The following BBS9 variants were observed in gnomAD, a reference collection of about 807,000 sequenced individuals.
BBS9 encodes the protein Bardet-Biedl syndrome 9, also known as protein PTHB1.
Under a neutral mutation model 117.7 loss-of-function variants are expected in BBS9, and 89 were observed. That is an observed-to-expected ratio of 0.76 (90% confidence interval 0.64 to 0.90). The LOEUF (loss-of-function observed/expected upper bound fraction) is 0.90. BBS9 is among the 40% of genes least tolerant of loss of function. The pLI, the probability that BBS9 is intolerant of heterozygous loss-of-function variation, is 0.00. For missense variants in BBS9, 982 were observed against 1,042.2 expected (o/e 0.94, Z 0.80); for synonymous variants, 379 against 370.9 (o/e 1.02, Z -0.25).
chr7:33,577,448 T>A (rs78926229), intron 21 of BBS9, among the ~76,000 whole-genome samples: 50,567 of 152,094 alleles, frequency 0.33, 12,907 homozygotes, highest in African/African-American at 0.71. Flanking sequence ...TTTTACACTG[T>A]TGGTGGGAGT....
At chr7:33,330,889 G>A (rs571466661) in intron 9 of BBS9, among the ~76,000 whole-genome samples, 53 of 152,324 alleles carry the variant, frequency 3.5e-4, no homozygotes, top group African/African-American at 1.2e-3. Flanking sequence ...TAAGACAGAA[G>A]CAATAGGGTA....
intron 19 of BBS9, among the ~76,000 whole-genome samples, chr7:33,465,992 C>T (rs1353251740): frequency 6.6e-6 from 1 of 151,886 alleles, no homozygotes; most frequent in East Asian, 1.9e-4. Context: ...TCTTTGTCCC[C>T]CAGCTTTATT....
intron 19 of BBS9, among the ~76,000 whole-genome samples, chr7:33,485,429 C>T (rs1186737628): frequency 2.0e-5 from 3 of 151,380 alleles, no homozygotes; most frequent in Admixed American, 6.6e-5. Flanking sequence ...CCTGCCTCAG[C>T]CTCCCGAGTA....
At chr7:33,334,316 A>G (rs1464420888) in intron 9 of BBS9, among the ~76,000 whole-genome samples, 1 of 152,180 alleles carries the variant, frequency 6.6e-6, no homozygotes, top group African/African-American at 2.4e-5. Context: ...TGTATGATGG[A>G]CTGTTCAAAG....
intron 1 of BBS9, among the ~76,000 whole-genome samples, chr7:33,141,048 A>G (rs554245374): frequency 6.6e-6 from 1 of 152,342 alleles, no homozygotes; most frequent in Admixed American, 6.5e-5. Flanking sequence ...TGAAAACAGT[A>G]CAGTGATCAA....
chr7:33,274,701 A>G (rs947873031), intron 9 of BBS9, among the ~76,000 whole-genome samples: 1 of 152,164 alleles, frequency 6.6e-6, no homozygotes, highest in Non-Finnish European at 1.5e-5. Flanking sequence ...TGAGCATTTA[A>G]AGGCCATACG....
intron 5 of BBS9, among the ~76,000 whole-genome samples, chr7:33,193,397 T>C (rs1175915599): frequency 6.6e-6 from 1 of 151,368 alleles, no homozygotes; most frequent in African/African-American, 2.4e-5. Context: ...TTTCGCATAT[T>C]GTCTTCCCCT....
intron 19 of BBS9, among the ~76,000 whole-genome samples, chr7:33,501,996 C>T (rs137906568): frequency 0.011 from 1,710 of 152,198 alleles, 15 homozygotes; most frequent in Middle Eastern, 0.041. Context: ...CTGCAACCTC[C>T]GACTCCCTGG....
At chr7:33,463,994 T>G (rs539998956) in intron 19 of BBS9, among the ~76,000 whole-genome samples, 2 of 152,124 alleles carry the variant, frequency 1.3e-5, no homozygotes, top group Admixed American at 1.3e-4. Context: ...TTAGATGTGC[T>G]AATTTTAAAA....
chr7:33,319,078 G>A (rs187472557), intron 9 of BBS9, among the ~76,000 whole-genome samples: 2,226 of 151,698 alleles, frequency 0.015, 47 homozygotes, highest in African/African-American at 0.051. Flanking sequence ...CAGGAGAATC[G>A]CTTGAACCTG....
At chr7:33,390,699 A>G (rs1046297861) in intron 19 of BBS9, 7 of 740,894 alleles carry the variant, frequency 9.4e-6, no homozygotes, top group African/African-American at 1.9e-5. Flanking sequence ...ATAATTTCCC[A>G]AAGAAAATTA....
chr7:33,160,856 G>A (rs1794733904), intron 4 of BBS9, among the ~76,000 whole-genome samples: 1 of 152,146 alleles, frequency 6.6e-6, no homozygotes, highest in African/African-American at 2.4e-5. Context: ...ACTGTGAAAA[G>A]CTTTCTTCAC....
chr7:33,419,631 C>A (rs1406895284), intron 19 of BBS9, among the ~76,000 whole-genome samples: 1 of 151,986 alleles, frequency 6.6e-6, no homozygotes, highest in Non-Finnish European at 1.5e-5. Flanking sequence ...TTGTATTTTT[C>A]AAACTTATAG....
rs144734216 is a variant in BBS9, at chr7:33,315,000, C to T, written c.1017-21441C>T. The stretch of plus-strand genomic sequence containing the variant: ...AAACCATCACAAATGTAGTAGCTTA[C>T]AACAATGATTTATTTAGGTCATGAT... On this transcript the variant is annotated intron_variant, in intron 9 of 22. Coordinates refer to ENST00000242067, the MANE Select transcript of BBS9 (RefSeq NM_198428.3). 2.9e-3 allele frequency among the ~76,000 whole-genome samples: 439 copies of T among 152,252 alleles called. 3 individuals are homozygous for T. The highest frequency in any genetic ancestry group is 9.5e-3 in the African/African-American group (395 of 41,538).
chr7:33,304,901 A>C (rs541820781), intron 9 of BBS9, among the ~76,000 whole-genome samples: 29 of 152,276 alleles, frequency 1.9e-4, no homozygotes, highest in Non-Finnish European at 4.1e-4. Flanking sequence ...AGGGCGGTGC[A>C]AGATGTGCTT....
chr7:33,207,942 G>A (rs909366703), intron 5 of BBS9, among the ~76,000 whole-genome samples: 3 of 151,924 alleles, frequency 2.0e-5, no homozygotes, highest in African/African-American at 7.2e-5. Context: ...TGGGTAGCTG[G>A]GATTATAGGT....
chr7:33,245,206 C>A (rs1795143577), intron 5 of BBS9, among the ~76,000 whole-genome samples: 1 of 151,488 alleles, frequency 6.6e-6, no homozygotes, highest in South Asian at 2.1e-4. Flanking sequence ...GTATATTTTC[C>A]TTGTAGAGTT....
chr7:33,629,044 G>C lies in BBS9; in HGVS notation c.2522-6133G>C, dbSNP rs1865769641. The stretch of plus-strand genomic sequence containing the variant: ...GACAGGTATTGGAATGGGAATTCAA[G>C]GAAGGAAAGGGGATGAACTCTGATG... On this transcript the variant is annotated intron_variant, in intron 21 of 21. Transcript: ENST00000671952. 2.0e-5 allele frequency among the ~76,000 whole-genome samples: 3 copies of C among 152,292 alleles called. No homozygotes were observed. The South Asian group carries it at 6.2e-4, about 32-fold the overall frequency.
intron 7 of BBS9, among the ~76,000 whole-genome samples, chr7:33,269,536 A>G (rs537663000): frequency 6.6e-6 from 1 of 152,244 alleles, no homozygotes; most frequent in African/African-American, 2.4e-5. Flanking sequence ...GAGGGAATAT[A>G]AAGCTTGAGA....
Sources: gnomAD v4.1 joint callset for allele counts (sites outside exome capture counted in the v4.1 genomes callset) on GRCh38, gnomAD v4.1.1 for gene constraint, MANE v1.5 for transcripts, NCBI Gene and HGNC (gene_info 2026-07-23, HGNC 2026-07-21) for gene names.